Variants in LUC7L2 observed in about 807,000 individuals in gnomAD.
The protein encoded by LUC7L2 is LUC7 like 2, pre-mRNA splicing factor.
Under a neutral mutation model 52.8 loss-of-function variants are expected in LUC7L2, and 25 were observed. The observed-to-expected ratio is 0.47, with a 90% CI of 0.34 to 0.66. The LOEUF (loss-of-function observed/expected upper bound fraction) is 0.66. Ranked by LOEUF, LUC7L2 falls within the 30% of genes least tolerant of loss-of-function variation. LUC7L2 has a pLI of 0.01. For missense variants in LUC7L2, 328 were observed against 497.8 expected (o/e 0.66, Z 3.25); for synonymous variants, 144 against 160.9 (o/e 0.89, Z 0.80).
chr7:139,345,393 C>T (rs911929203), intron 1 of LUC7L2: 10 of 1,477,712 alleles, frequency 6.8e-6, no homozygotes, highest in Non-Finnish European at 3.6e-6. Context: ...GTCTGTATTT[C>T]CTCTGTGCAA....
intron 2 of LUC7L2, among the ~76,000 whole-genome samples, chr7:139,383,723 C>CG (rs564400331): frequency 2.1e-5 from 3 of 142,520 alleles, no homozygotes; most frequent in Non-Finnish European, 4.6e-5. Context: ...GCCTTGATGT[C>CG]TTTTTTTTTT....
intron 7 of LUC7L2, among the ~76,000 whole-genome samples, 167 bp from the exon 8 acceptor site, chr7:139,412,384 A>G (rs1176721720): frequency 1.3e-5 from 2 of 152,140 alleles, no homozygotes; most frequent in East Asian, 3.9e-4. Flanking sequence ...AGGTGAAGAA[A>G]TCTGTCGAGT....
intron 8 of LUC7L2, among the ~76,000 whole-genome samples, chr7:139,413,250 A>G (rs939402972): frequency 4.6e-5 from 7 of 152,180 alleles, no homozygotes; most frequent in African/African-American, 1.7e-4. Context: ...AGGCAGGGAA[A>G]TGTGTTGTAC....
chr7:139,391,928 A>G (rs962024450), intron 2 of LUC7L2, among the ~76,000 whole-genome samples: 1 of 152,078 alleles, frequency 6.6e-6, no homozygotes, highest in African/African-American at 2.4e-5. Flanking sequence ...AATCATGCTC[A>G]TTGCTTATAA....
chr7:139,354,343 T>G (rs1319100522), intron 1 of LUC7L2, among the ~76,000 whole-genome samples: 1 of 152,130 alleles, frequency 6.6e-6, no homozygotes, highest in Non-Finnish European at 1.5e-5. Context: ...AAAGACACAT[T>G]GCTGGCATGA....
chr7:139,408,536 G>T (rs898317541), intron 6 of LUC7L2, among the ~76,000 whole-genome samples: 1 of 152,118 alleles, frequency 6.6e-6, no homozygotes, highest in African/African-American at 2.4e-5. Context: ...GAAGTGACTT[G>T]GAAATGTCAT....
intron 6 of LUC7L2, among the ~76,000 whole-genome samples, chr7:139,408,568 G>A (rs1175156087): frequency 6.6e-6 from 1 of 152,202 alleles, no homozygotes; most frequent in East Asian, 1.9e-4. Context: ...GAAAGGCTAG[G>A]CGCAGTGGCT....
Position 139,417,553 on chromosome 7 carries a change from G to A in LUC7L2, c.825G>A (p.Glu275=), listed in dbSNP as rs751158741. Residue 275 remains glutamate (E), a synonymous_variant, in exon 9 of 10, where the codon GAG becomes GAA. Coordinates refer to ENST00000354926, the MANE Select transcript of LUC7L2 (RefSeq NM_016019.5). ...SKNPKRSRSR[E]HRRHRSRSMS... is the part of the protein sequence containing the mutation. ...TGTCTGGTAGATCCAGGTCCAGAGA[G>A]CATCGCAGACATCGATCTCGCTCCA... 6.2e-7 allele frequency: 1 copy of A among 1,614,076 alleles called. No individual in the cohort carries two copies. The highest frequency in any genetic ancestry group is 8.5e-7 in the Non-Finnish European group (1 of 1,179,970).
chr7:139,372,578 A>G (rs1454483554), intron 1 of LUC7L2, among the ~76,000 whole-genome samples: 1 of 152,086 alleles, frequency 6.6e-6, no homozygotes, highest in African/African-American at 2.4e-5. Flanking sequence ...TTCCTGAAGT[A>G]CTACCTAATT....
In LUC7L2 at chr7:139,402,189, T is replaced by C. The variant is rs1207725176; in HGVS notation, c.308T>C (p.Val103Ala). 3 of 1,610,472 alleles carry C rather than the reference T, an allele frequency of 1.9e-6. No homozygotes were observed. The highest frequency in any genetic ancestry group is 3.4e-5 in the Admixed American group (2 of 59,368). Reference sequence around the variant, plus strand: ...GCAGATTGTGATCGTAGAACAGAAGTGGCCAAGAAAAGATTAGCAGAAACT... The same window carrying C: ...GCAGATTGTGATCGTAGAACAGAAGCGGCCAAGAAAAGATTAGCAGAAACT... Reference protein sequence around the residue: ...FIADCDRRTEVAKKRLAETQE... With the variant: ...FIADCDRRTEAAKKRLAETQE... Residue 103 changes from valine to alanine, a missense_variant, in exon 4 of 10, where the codon GTG becomes GCG. Physicochemically the swap from Val to Ala is moderately conservative, Grantham distance 64. Coordinates refer to ENST00000354926, the MANE Select transcript of LUC7L2 (RefSeq NM_016019.5).
intron 1 of LUC7L2, chr7:139,371,516 A>AT (rs1181494613): frequency 4.1e-5 from 34 of 828,000 alleles, no homozygotes; most frequent in Non-Finnish European, 5.8e-5. Context: ...ATGAAAGTTG[A>AT]TTTGGTTTCT....
chr7:139,418,999 T>C (rs1169654128), intron 9 of LUC7L2, among the ~76,000 whole-genome samples: 1 of 152,018 alleles, frequency 6.6e-6, no homozygotes, highest in Non-Finnish European at 1.5e-5. Context: ...TAATCCCAGC[T>C]ACTCAGGAGG....
intron 9 of LUC7L2, 24 bp from the exon 10 acceptor site, chr7:139,422,139 G>T (rs754933760): frequency 1.8e-5 from 28 of 1,576,990 alleles, no homozygotes; most frequent in Non-Finnish European, 8.6e-7. Flanking sequence ...AACATATTTT[G>T]CTCCTCAAAT....
intron 2 of LUC7L2, among the ~76,000 whole-genome samples, chr7:139,387,226 T>C (rs144333732): frequency 6.6e-6 from 1 of 152,276 alleles, no homozygotes; most frequent in African/African-American, 2.4e-5. Context: ...ACTCAGATAA[T>C]ATGACTTGTA....
intron 1 of LUC7L2, chr7:139,374,635 T>C (rs1441521491): frequency 1.5e-5 from 21 of 1,445,358 alleles, no homozygotes; most frequent in South Asian, 4.6e-5. Flanking sequence ...AGAGACGAGC[T>C]TCTAGAAAAC....
chr7:139,347,526 G>A lies in LUC7L2; in HGVS notation c.-26+7009G>A, dbSNP rs535271752. On this transcript the variant is annotated intron_variant, in intron 1 of 10. Transcript: ENST00000541170. ...CGCTTGAACCCAGGAGACGGAGGTT[G>A]CAGTGAGCCGAGATTGCACCATTGC... Among the ~76,000 whole-genome samples the A allele has an allele frequency of 2.9e-4, 44 of 151,952 alleles. No individual in the cohort carries two copies. In the South Asian group the frequency reaches 9.1e-3, roughly 32 times the overall value.
chr7:139,358,719 C>G (rs1295089444), upstream of LUC7L2, among the ~76,000 whole-genome samples: 1 of 152,164 alleles, frequency 6.6e-6, no homozygotes, highest in Non-Finnish European at 1.5e-5. Flanking sequence ...AAGTCTCGCT[C>G]TGTCGCGCAG....
Position 139,422,404 on chromosome 7 carries a change from A to G in LUC7L2, c.*64A>G, listed in dbSNP as rs938581541. ...GGAGTTACGTACTATTGTTTAGTTC[A>G]CAGCTGTTCAGGGTGACAGTGAGCA... On this transcript the variant is annotated 3_prime_UTR_variant, in exon 10 of 10. Coordinates refer to ENST00000354926, the MANE Select transcript of LUC7L2 (RefSeq NM_016019.5). 1 of 1,536,812 alleles carries G rather than the reference A, an allele frequency of 6.5e-7. No individual in the cohort carries two copies.
chr7:139,408,062 T>C (rs1465389518), intron 6 of LUC7L2, among the ~76,000 whole-genome samples: 1 of 152,188 alleles, frequency 6.6e-6, no homozygotes, highest in African/African-American at 2.4e-5. Flanking sequence ...GGCTGACAGA[T>C]AGGAAACATG....
Sources: allele counts gnomAD v4.1 joint callset (sites outside exome capture counted in the v4.1 genomes callset), GRCh38; gene constraint gnomAD v4.1.1; transcripts MANE v1.5; gene names NCBI Gene and HGNC (gene_info 2026-07-23, HGNC 2026-07-21).